Variants in HPS4 observed in about 807,000 individuals in gnomAD.
HPS4 encodes HPS4 biogenesis of lysosomal organelles complex 3 subunit 2.
HPS4 carries 44 observed loss-of-function variants against 70.3 expected under a neutral mutation model. The ratio of observed to expected loss-of-function variants is 0.63; its 90% confidence interval spans 0.49 to 0.80. HPS4 has a LOEUF of 0.80. Ranked by LOEUF, HPS4 falls within the 30% of genes least tolerant of loss-of-function variation. The pLI is 0.00. For missense variants in HPS4, 873 were observed against 884.4 expected (o/e 0.99, Z 0.16); for synonymous variants, 377 against 355.9 (o/e 1.06, Z -0.67).
intron 9 of HPS4, 55 bp downstream of exon 9, chr22:26,466,171 A>G: frequency 6.2e-7 from 1 of 1,611,492 alleles, no homozygotes; most frequent in Non-Finnish European, 8.5e-7. Context: ...GTACAGGGGT[A>G]GGTAGCATAA....
chr22:26,464,165 C>G lies in HPS4; in HGVS notation c.1465G>C (p.Gly489Arg), dbSNP rs768931718. The change falls in exon 11 of 14, where the codon GGC (glycine) becomes CGC (arginine). Residue 489 changes from glycine (G) to arginine (R), a missense_variant. By Grantham distance (125) the Gly-to-Arg change is moderately radical. Coordinates refer to ENST00000398145, the MANE Select transcript of HPS4 (RefSeq NM_022081.6). ...ACCCCATCAACATCCTCATCCAGGC[C>G]TTGTTCCCCCGTGGGAAGCTTGTTT... ...RGNKLPTGEQ[G>R]LDEDVDGVCE... is the part of the protein sequence containing the mutation. 1.2e-6 allele frequency: 2 copies of G among 1,614,244 alleles called. No individual in the cohort carries two copies. The highest frequency in any genetic ancestry group is 4.5e-5 in the East Asian group (2 of 44,886).
Position 26,453,430 on chromosome 22 carries a change from G to C in HPS4, c.1956-26C>G, listed in dbSNP as rs747863960. On this transcript the variant is annotated intron_variant, in intron 13 of 13. Transcript: ENST00000398145. ...CTGTTGGAGGAAGAAAGAAGGCAAC[G>C]GTCCAATGCTGCTGGTGCTAATCTC... is the stretch of plus-strand genomic sequence containing the variant. The C allele has an allele frequency of 3.7e-6, 6 of 1,612,194 alleles. No individual in the cohort carries two copies. In the East Asian group the frequency reaches 1.1e-4, roughly 30 times the overall value.
downstream of HPS4, among the ~76,000 whole-genome samples, chr22:26,446,957 C>T (rs1315141215): frequency 6.6e-6 from 1 of 152,198 alleles, no homozygotes. Context: ...AACTCCTAAC[C>T]TCAAGTGATC....
At chr22:26,458,088 G>C in intron 12 of HPS4, 121 bp from the exon 13 acceptor site, 1 of 886,130 alleles carries the variant, frequency 1.1e-6, no homozygotes, top group Non-Finnish European at 1.8e-6. Context: ...TTGGCTGCCC[G>C]GGGCAGAGAC....
Position 26,482,057 on chromosome 22 carries a change from T to A in HPS4, c.-295A>T, listed in dbSNP as rs2091337006. 6.9e-6 allele frequency: 3 copies of A among 437,738 alleles called. No homozygotes were observed. The highest frequency in any genetic ancestry group is 1.3e-5 in the Non-Finnish European group (3 of 235,646). 27.1% of individuals were successfully genotyped at this position (437,738 alleles called of 1,614,324 possible). Reference sequence around the variant, plus strand: ...AGTCAAATCCATTCCTCTGGTTTCCTAAGTATCACTGTGGCTGTCTGCAGA... The same window carrying A: ...AGTCAAATCCATTCCTCTGGTTTCCAAAGTATCACTGTGGCTGTCTGCAGA... On this transcript the variant is annotated 5_prime_UTR_variant, in exon 2 of 14. Transcript: ENST00000398145.
At chr22:26,448,321 CAG>C (rs1226904206), downstream of HPS4, among the ~76,000 whole-genome samples, 6 of 152,238 alleles carry the variant, frequency 3.9e-5, no homozygotes, top group Non-Finnish European at 8.8e-5. Context: ...CACTGAGGCT[CAG>C]AGACAGAAAA....
chr22:26,477,358 G>T (rs2090689332), intron 3 of HPS4, among the ~76,000 whole-genome samples: 1 of 152,108 alleles, frequency 6.6e-6, no homozygotes, highest in South Asian at 2.1e-4. Flanking sequence ...TTTACTTTCT[G>T]GCCCTTTACA....
At position 26,481,456 on chromosome 22, in the gene HPS4, C is replaced by A. The variant is rs549402188; in HGVS notation, c.41+266G>T. On this transcript the variant is annotated intron_variant, in intron 2 of 13. Coordinates refer to ENST00000398145, the MANE Select transcript of HPS4 (RefSeq NM_022081.6). ...ATATTCACATTATCATCAAAGCTCG[C>A]TGCATGATCAGGCTGTGGCTATCTT... is the stretch of plus-strand genomic sequence containing the variant. Among the ~76,000 whole-genome samples the A allele has an allele frequency of 1.5e-3, 232 of 152,306 alleles. 1 individual carries two copies. Among genetic ancestry groups the A allele is most frequent in the African/African-American group, 5.2e-3 (216 of 41,558 alleles).
chr22:26,473,172 T>C (rs2090076066), intron 4 of HPS4, among the ~76,000 whole-genome samples: 1 of 152,232 alleles, frequency 6.6e-6, no homozygotes, highest in South Asian at 2.1e-4. Flanking sequence ...TTATTGTTCA[T>C]TTCCCCAGAA....
intron 11 of HPS4, among the ~76,000 whole-genome samples, chr22:26,460,266 T>C (rs2086972576): frequency 6.6e-6 from 1 of 152,258 alleles, no homozygotes; most frequent in Non-Finnish European, 1.5e-5. Context: ...TGCAGAGCTA[T>C]GTAAAAAGAT....
At chr22:26,461,968 A>T (rs2087370866) in intron 11 of HPS4, among the ~76,000 whole-genome samples, 1 of 152,100 alleles carries the variant, frequency 6.6e-6, no homozygotes, top group Non-Finnish European at 1.5e-5. Context: ...CTCTACTAAA[A>T]ATACAAAATT....
intron 11 of HPS4, among the ~76,000 whole-genome samples, chr22:26,460,521 A>G (rs2087031648): frequency 6.6e-6 from 1 of 152,252 alleles, no homozygotes; most frequent in Non-Finnish European, 1.5e-5. Context: ...CCAGAGGAAG[A>G]AACAATAAGA....
At chr22:26,450,068 C>T (rs1340042439), downstream of HPS4, among the ~76,000 whole-genome samples, 1 of 152,232 alleles carries the variant, frequency 6.6e-6, no homozygotes, top group African/African-American at 2.4e-5. Context: ...CCCCCTGCCC[C>T]TCTCCTAAAA....
intron 12 of HPS4, 32 bp from the exon 13 acceptor site, chr22:26,457,999 C>T (rs778821267): frequency 1.3e-6 from 2 of 1,547,782 alleles, no homozygotes; most frequent in Admixed American, 1.7e-5. Context: ...TTGTGAAGAG[C>T]AGACAGTTAC....
chr22:26,481,928 A>G lies in HPS4; in HGVS notation c.-166T>C, dbSNP rs1175333803. The G allele has an allele frequency of 1.4e-6, 1 of 701,702 alleles. No individual in the cohort carries two copies. 43.5% of individuals were successfully genotyped at this position (701,702 alleles called of 1,614,324 possible). On this transcript the variant is annotated 5_prime_UTR_variant, in exon 2 of 14. The change abolishes an upstream ATG in the 5' untranslated region. Coordinates refer to ENST00000398145, the MANE Select transcript of HPS4 (RefSeq NM_022081.6). ...GCCACTTGGTTAGTTTTCACTCAGC[A>G]TGGAAAGTTCCACTTCCCTTCCTTG...
chr22:26,480,081 C>T (rs776673436), intron 2 of HPS4, among the ~76,000 whole-genome samples: 75 of 152,318 alleles, frequency 4.9e-4, no homozygotes, highest in Non-Finnish European at 1.5e-5. Context: ...AAGACTCTTA[C>T]AGACTACACT....
intron 4 of HPS4, chr22:26,476,318 T>C (rs1426924897): frequency 3.9e-5 from 6 of 152,242 alleles, no homozygotes; most frequent in Non-Finnish European, 4.4e-5. Context: ...CTTTAGATTA[T>C]ATGCTACTAT....
chr22:26,479,516 T>C, intron 2 of HPS4, 161 bp from the exon 3 acceptor site: 2 of 1,442,768 alleles, frequency 1.4e-6, no homozygotes, highest in Non-Finnish European at 1.8e-6. Context: ...ACAAATTAGA[T>C]AAAACCATTC....
chr22:26,448,488 C>T (rs894924574), downstream of HPS4, among the ~76,000 whole-genome samples: 12 of 152,236 alleles, frequency 7.9e-5, no homozygotes, highest in South Asian at 2.1e-4. Flanking sequence ...ACAGCACACT[C>T]GGTAGAGGAC....
Sources: allele counts gnomAD v4.1 joint callset (sites outside exome capture counted in the v4.1 genomes callset), GRCh38; gene constraint gnomAD v4.1.1; transcripts MANE v1.5; gene names NCBI Gene and HGNC (gene_info 2026-07-23, HGNC 2026-07-21).